FNBP1: variants seen among roughly 807,000 people sequenced by gnomAD.
FNBP1 encodes the protein formin binding protein 1, also known as formin-binding protein 1.
A neutral mutation model predicts 90.6 loss-of-function variants in FNBP1; 26 were observed. The ratio of observed to expected loss-of-function variants is 0.29; its 90% CI spans 0.21 to 0.40. The LOEUF is 0.40. Ranked by LOEUF, FNBP1 falls within the 10% of genes least tolerant of loss-of-function variation. FNBP1 has a pLI of 1.00. For missense variants in FNBP1, 635 were observed against 768.0 expected (o/e 0.83, Z 2.05); for synonymous variants, 260 against 265.2 (o/e 0.98, Z 0.19).
chr9:129,989,939 G>A (rs892739952), intron 2 of FNBP1, among the ~76,000 whole-genome samples: 4 of 152,022 alleles, frequency 2.6e-5, no homozygotes, highest in African/African-American at 9.7e-5. Flanking sequence ...TTGGGAGGCT[G>A]TGGTGGGAGG....
intron 4 of FNBP1, among the ~76,000 whole-genome samples, chr9:129,964,695 A>T (rs1203201375): frequency 2.0e-5 from 3 of 152,134 alleles, no homozygotes. Flanking sequence ...ACTGAACTGC[A>T]AGAAATCACA....
intron 15 of FNBP1, among the ~76,000 whole-genome samples, chr9:129,899,202 C>T (rs1184593645): frequency 1.4e-4 from 21 of 151,880 alleles, no homozygotes; most frequent in Admixed American, 1.2e-3. Flanking sequence ...CTCAGCCTCC[C>T]GAGCAGCTGG....
chr9:129,901,775 G>A (rs1050316744), intron 13 of FNBP1, among the ~76,000 whole-genome samples: 2 of 152,086 alleles, frequency 1.3e-5, no homozygotes, highest in African/African-American at 4.8e-5. Context: ...AGCCGGGTGT[G>A]GTGGTACACA....
At chr9:130,028,225 G>C (rs2058528042) in intron 1 of FNBP1, among the ~76,000 whole-genome samples, 1 of 152,212 alleles carries the variant, frequency 6.6e-6, no homozygotes, top group Non-Finnish European at 1.5e-5. Flanking sequence ...TATTGTTGTG[G>C]ACATCTTTCC....
At chr9:129,984,772 G>A (rs1015661295) in intron 2 of FNBP1, among the ~76,000 whole-genome samples, 1 of 152,116 alleles carries the variant, frequency 6.6e-6, no homozygotes, top group Admixed American at 6.6e-5. Flanking sequence ...TCGTGATAGT[G>A]AATAAGTCTC....
At chr9:130,037,730 G>A (rs986917383) in intron 1 of FNBP1, among the ~76,000 whole-genome samples, 14 of 151,972 alleles carry the variant, frequency 9.2e-5, no homozygotes, top group African/African-American at 3.4e-4. Context: ...AACCGAAACT[G>A]CTCTAAAAAA....
At chr9:130,051,807 C>CA in the FNBP1 span, among the ~76,000 whole-genome samples, 80 of 144,896 alleles carry the variant, frequency 5.5e-4, 1 homozygote, top group East Asian at 1.6e-3. Flanking sequence ...GTCTCTGTCT[C>CA]AAAAAAAAAA....
intron 1 of FNBP1, among the ~76,000 whole-genome samples, chr9:130,017,743 T>C (rs914617521): frequency 6.6e-6 from 1 of 151,168 alleles, no homozygotes; most frequent in Non-Finnish European, 1.5e-5. Context: ...GGCAGGAGAA[T>C]CACTTGAACC....
chr9:130,046,394 A>G (rs1463899612), upstream of FNBP1, among the ~76,000 whole-genome samples: 4 of 152,022 alleles, frequency 2.6e-5, no homozygotes, highest in African/African-American at 9.7e-5. Flanking sequence ...TAAAACTCCA[A>G]AAAACAAAGT....
intron 1 of FNBP1, among the ~76,000 whole-genome samples, chr9:130,000,676 A>G (rs764872093): frequency 2.0e-5 from 3 of 152,166 alleles, no homozygotes; most frequent in Non-Finnish European, 4.4e-5. Flanking sequence ...CTCACAGTGG[A>G]AAAACAATTT....
At chr9:129,933,281 A>T (rs1214846828) in intron 6 of FNBP1, among the ~76,000 whole-genome samples, 2 of 152,160 alleles carry the variant, frequency 1.3e-5, no homozygotes, top group Non-Finnish European at 2.9e-5. Flanking sequence ...CTTTCTGACA[A>T]TAAATCCACT....
At chr9:129,893,612 C>CAAAAAAAAAAAAAAAAAAAAAA (rs1216398298) in intron 16 of FNBP1, among the ~76,000 whole-genome samples, 1 of 22,314 alleles carries the variant, frequency 4.5e-5, no homozygotes, top group Non-Finnish European at 8.1e-5. Flanking sequence ...GACTCTGTCT[C>CAAAAAAAAAAAAAAAAAAAAAA]AAAAAAAAAA....
intron 1 of FNBP1, 35 bp from the exon 2 acceptor site, chr9:129,994,993 T>C: frequency 1.1e-6 from 1 of 925,506 alleles, no homozygotes; most frequent in Non-Finnish European, 1.8e-6. Context: ...GTTATGGTCT[T>C]TCCCTGTGAT....
chr9:130,030,484 C>T (rs2058710776), intron 1 of FNBP1, among the ~76,000 whole-genome samples: 1 of 151,688 alleles, frequency 6.6e-6, no homozygotes, highest in African/African-American at 2.4e-5. Context: ...TATAGTCTGC[C>T]TAAAGAAAGA....
chr9:130,035,999 T>C (rs806863), intron 1 of FNBP1, among the ~76,000 whole-genome samples: 1,852 of 151,982 alleles, frequency 0.012, 24 homozygotes, highest in Middle Eastern at 0.054. Context: ...TCTAATATAA[T>C]ACACATATTT....
intron 11 of FNBP1, chr9:129,910,246 G>A: frequency 4.4e-6 from 2 of 455,024 alleles, no homozygotes; most frequent in Non-Finnish European, 8.8e-6. Flanking sequence ...ACTTTGGGAG[G>A]CCGAGGTGGG....
At chr9:130,017,217 C>A (rs963075430) in intron 1 of FNBP1, among the ~76,000 whole-genome samples, 1 of 152,194 alleles carries the variant, frequency 6.6e-6, no homozygotes, top group Admixed American at 6.5e-5. Context: ...GTCTCTAGTA[C>A]ATGGCTGCCT....
chr9:129,974,192 T>C (rs2049946927), intron 4 of FNBP1, among the ~76,000 whole-genome samples: 1 of 151,424 alleles, frequency 6.6e-6, no homozygotes, highest in Non-Finnish European at 1.5e-5. Context: ...TCCTTGAAGG[T>C]ATGTCGAAAA....
chr9:129,918,674 C>G (rs1254299549), intron 10 of FNBP1, among the ~76,000 whole-genome samples: 1 of 152,100 alleles, frequency 6.6e-6, no homozygotes, highest in Non-Finnish European at 1.5e-5. Flanking sequence ...GGCATAACTC[C>G]CTTATGGATC....
Sources: allele counts gnomAD v4.1 joint callset (sites outside exome capture counted in the v4.1 genomes callset), GRCh38; gene constraint gnomAD v4.1.1; transcripts MANE v1.5; gene names NCBI Gene and HGNC (gene_info 2026-07-23, HGNC 2026-07-21).